The following NLGN1 variants were observed in gnomAD, a reference collection of about 807,000 sequenced individuals.
NLGN1 encodes neuroligin 1, also known as neuroligin-1.
Under a neutral mutation model 65.5 loss-of-function variants are expected in NLGN1, and 12 were observed. The observed-to-expected ratio is 0.18, with a 90% CI of 0.12 to 0.30. The LOEUF is 0.30. Ranked by LOEUF, NLGN1 falls within the 10% of genes least tolerant of loss-of-function variation. The pLI is 1.00. For synonymous variants in NLGN1, 350 were observed against 359.5 expected (o/e 0.97, Z 0.30); for missense variants, 750 against 1,007.1 (o/e 0.74, Z 3.46).
chr3:174,258,919 A>C (rs1211700586), intron 4 of NLGN1, among the ~76,000 whole-genome samples: 5 of 152,122 alleles, frequency 3.3e-5, no homozygotes, highest in Admixed American at 6.6e-5. Flanking sequence ...TATGTTGAAG[A>C]TATGGTTGAA....
intron 4 of NLGN1, among the ~76,000 whole-genome samples, chr3:173,997,736 G>A (rs1310895626): frequency 6.6e-6 from 1 of 152,034 alleles, no homozygotes; most frequent in Non-Finnish European, 1.5e-5. Flanking sequence ...AATTCTCACA[G>A]CAAAACTACC....
chr3:173,664,905 C>G (rs1761485406), intron 3 of NLGN1, among the ~76,000 whole-genome samples: 1 of 152,094 alleles, frequency 6.6e-6, no homozygotes, highest in African/African-American at 2.4e-5. Flanking sequence ...CCCCAAAATG[C>G]TCTGAATTTC....
At chr3:173,862,980 A>C (rs1216467347) in intron 4 of NLGN1, among the ~76,000 whole-genome samples, 1 of 152,186 alleles carries the variant, frequency 6.6e-6, no homozygotes, top group Non-Finnish European at 1.5e-5. Context: ...AATGTCAGAA[A>C]TCACCTTAAT....
chr3:174,026,282 A>G (rs1214742528), intron 4 of NLGN1, among the ~76,000 whole-genome samples: 1 of 152,058 alleles, frequency 6.6e-6, no homozygotes, highest in Non-Finnish European at 1.5e-5. Context: ...ATGTGCCACC[A>G]TGCCAGCTAA....
chr3:173,437,744 G>A (rs1718398742), intron 2 of NLGN1, among the ~76,000 whole-genome samples: 1 of 151,848 alleles, frequency 6.6e-6, no homozygotes, highest in East Asian at 1.9e-4. Context: ...TCTTGGCTTT[G>A]CCTCTGCTGC....
intron 3 of NLGN1, among the ~76,000 whole-genome samples, chr3:173,672,130 C>T (rs1490181874): frequency 6.6e-6 from 1 of 152,050 alleles, no homozygotes; most frequent in East Asian, 1.9e-4. Flanking sequence ...GTCAAGATCG[C>T]GCCACTGCAC....
chr3:173,427,669 G>T (rs1716377213), intron 1 of NLGN1, among the ~76,000 whole-genome samples: 3 of 151,880 alleles, frequency 2.0e-5, no homozygotes. Context: ...ATTGTGGTCA[G>T]AAAAGATACT....
chr3:173,691,195 C>T (rs570440431), intron 3 of NLGN1, among the ~76,000 whole-genome samples: 17 of 152,132 alleles, frequency 1.1e-4, no homozygotes, highest in African/African-American at 4.1e-4. Context: ...GCTGTTTTCC[C>T]ATCTGGAAGA....
intron 4 of NLGN1, among the ~76,000 whole-genome samples, chr3:174,227,634 T>G (rs886559454): frequency 6.6e-6 from 1 of 152,086 alleles, no homozygotes; most frequent in African/African-American, 2.4e-5. Context: ...AATTTAGACC[T>G]TTTATTTTAC....
exon 7 of NLGN1, chr3:174,284,546 A>T (rs1199831953): frequency 2.0e-5 from 3 of 151,410 alleles, no homozygotes; most frequent in African/African-American, 7.3e-5. Context: ...TTACACTAAA[A>T]TGAACTTTAT....
chr3:173,980,181 A>G (rs1416951789), intron 4 of NLGN1, among the ~76,000 whole-genome samples: 1 of 152,112 alleles, frequency 6.6e-6, no homozygotes, highest in African/African-American at 2.4e-5. Context: ...AAGCATTAAC[A>G]TATAAACTCC....
chr3:173,462,700 A>G (rs1723609533), intron 2 of NLGN1, among the ~76,000 whole-genome samples: 1 of 152,116 alleles, frequency 6.6e-6, no homozygotes, highest in South Asian at 2.1e-4. Context: ...TGCTGTCTCT[A>G]CCATCATTTA....
exon 7 of NLGN1, chr3:174,281,140 CTGA>C (rs1351024429): frequency 1.9e-6 from 3 of 1,613,238 alleles, no homozygotes; most frequent in Non-Finnish European, 2.5e-6. Context: ...AGGAGGTCAC[CTGA>C]TGATGTTCCC....
At chr3:173,445,741 G>T (rs989211551) in intron 2 of NLGN1, among the ~76,000 whole-genome samples, 15 of 152,136 alleles carry the variant, frequency 9.9e-5, no homozygotes, top group African/African-American at 3.6e-4. Context: ...AACCTAGCAG[G>T]GTTTTCTTTG....
intron 4 of NLGN1, among the ~76,000 whole-genome samples, chr3:173,931,944 G>C (rs1358645041): frequency 6.6e-6 from 1 of 152,106 alleles, no homozygotes; most frequent in Non-Finnish European, 1.5e-5. Flanking sequence ...TTGGATGAGA[G>C]ATGCGTCAGA....
intron 2 of NLGN1, among the ~76,000 whole-genome samples, chr3:173,602,129 TG>T (rs1302585627): frequency 6.6e-6 from 1 of 151,996 alleles, no homozygotes; most frequent in Non-Finnish European, 1.5e-5. Context: ...GAGTTCCTCA[TG>T]AGTAAGAAGG....
intron 3 of NLGN1, among the ~76,000 whole-genome samples, chr3:173,656,658 C>G (rs1760086585): frequency 6.6e-6 from 1 of 152,066 alleles, no homozygotes; most frequent in Non-Finnish European, 1.5e-5. Context: ...TGACCCCCAC[C>G]ACTATCTGAA....
intron 2 of NLGN1, among the ~76,000 whole-genome samples, chr3:173,541,121 A>G (rs1376998249): frequency 1.3e-5 from 2 of 152,192 alleles, no homozygotes; most frequent in Admixed American, 6.5e-5. Context: ...TAGGGAATCT[A>G]TAAGATATAA....
intron 2 of NLGN1, among the ~76,000 whole-genome samples, chr3:173,435,582 C>A (rs536200352): frequency 2.0e-5 from 3 of 152,206 alleles, no homozygotes; most frequent in African/African-American, 7.2e-5. Flanking sequence ...CGCCTGTAAT[C>A]CCAGCACTTT....
Sources: gnomAD v4.1 joint callset for allele counts (sites outside exome capture counted in the v4.1 genomes callset) on GRCh38, gnomAD v4.1.1 for gene constraint, MANE v1.5 for transcripts, NCBI Gene and HGNC (gene_info 2026-07-23, HGNC 2026-07-21) for gene names.